The following KCNIP4 variants were observed in gnomAD, a reference collection of about 807,000 sequenced individuals.
The protein encoded by KCNIP4 is potassium voltage-gated channel interacting protein 4.
In KCNIP4, 12 loss-of-function variants were observed where a neutral mutation model predicts 34.0. The observed-to-expected ratio is 0.35, with a 90% confidence interval of 0.23 to 0.57. The LOEUF is 0.57. KCNIP4 is among the 20% of genes least tolerant of loss of function. The probability of loss-of-function intolerance (pLI) is 0.83; values close to 1 mark genes in which losing one functional copy is unlikely to be tolerated. For missense variants in KCNIP4, 238 were observed against 311.7 expected (o/e 0.76, Z 1.78); for synonymous variants, 124 against 102.2 (o/e 1.21, Z -1.29).
intron 3 of KCNIP4, among the ~76,000 whole-genome samples, chr4:20,768,232 CTT>C (rs1434060501): frequency 2.6e-5 from 4 of 152,048 alleles, no homozygotes; most frequent in African/African-American, 9.7e-5. Flanking sequence ...CAGTTCTTAG[CTT>C]TTAATAAATT....
chr4:21,412,391 C>A (rs970756556), intron 1 of KCNIP4, among the ~76,000 whole-genome samples: 4 of 152,174 alleles, frequency 2.6e-5, no homozygotes, highest in Admixed American at 2.6e-4. Flanking sequence ...ATTTCTGCTA[C>A]CTCAGTTCCT....
At chr4:21,496,723 T>A (rs1417079585) in intron 1 of KCNIP4, among the ~76,000 whole-genome samples, 1 of 152,174 alleles carries the variant, frequency 6.6e-6, no homozygotes, top group African/African-American at 2.4e-5. Flanking sequence ...TGAGCAGGCA[T>A]TACTGCCTGA....
rs115296527 is a variant in KCNIP4, at chr4:21,779,466, G to A, written c.61+169105C>T. Reference sequence around the variant, plus strand: ...TATCAAAAAATGATAAGTATGTAACGTATTGGATGTGTTAATTAGCTTTAA... The same window carrying A: ...TATCAAAAAATGATAAGTATGTAACATATTGGATGTGTTAATTAGCTTTAA... On this transcript the variant is annotated intron_variant, in intron 1 of 8. Transcript: ENST00000382152. Among the ~76,000 whole-genome samples, 1,371 of 152,160 alleles carry A rather than the reference G, an allele frequency of 9.0e-3. 24 individuals are homozygous for A. Among genetic ancestry groups the A allele is most frequent in the African/African-American group, 0.031 (1,304 of 41,504 alleles).
intron 1 of KCNIP4, among the ~76,000 whole-genome samples, chr4:21,391,034 T>C (rs1422104929): frequency 6.6e-6 from 1 of 152,158 alleles, no homozygotes; most frequent in African/African-American, 2.4e-5. Context: ...TATGTCAATG[T>C]GGTTTTTATT....
intron 1 of KCNIP4, among the ~76,000 whole-genome samples, chr4:21,509,423 C>T (rs1027718292): frequency 6.6e-6 from 1 of 152,120 alleles, no homozygotes; most frequent in Non-Finnish European, 1.5e-5. Context: ...ATAATTTATA[C>T]CATTTCTACT....
At chr4:21,468,933 C>G (rs550112980) in intron 1 of KCNIP4, among the ~76,000 whole-genome samples, 1 of 152,178 alleles carries the variant, frequency 6.6e-6, no homozygotes, top group Admixed American at 6.5e-5. Flanking sequence ...TTACACACAG[C>G]AGTGATTCTC....
At chr4:21,449,722 A>G (rs1193067170) in intron 1 of KCNIP4, among the ~76,000 whole-genome samples, 1 of 151,762 alleles carries the variant, frequency 6.6e-6, no homozygotes, top group Non-Finnish European at 1.5e-5. Context: ...AAGTGCAGCA[A>G]TTTTTTTATC....
intron 1 of KCNIP4, among the ~76,000 whole-genome samples, chr4:21,096,419 A>G (rs1747463283): frequency 6.6e-6 from 1 of 152,220 alleles, no homozygotes; most frequent in South Asian, 2.1e-4. Context: ...TTATTTCTAA[A>G]CATAACCTAA....
chr4:21,471,167 T>C (rs1730437442), intron 1 of KCNIP4, among the ~76,000 whole-genome samples: 1 of 152,214 alleles, frequency 6.6e-6, no homozygotes, highest in South Asian at 2.1e-4. Flanking sequence ...GTTTGGCAAG[T>C]ACTCTCTGTG....
At chr4:21,077,847 G>A (rs1358418641) in intron 1 of KCNIP4, among the ~76,000 whole-genome samples, 1 of 151,952 alleles carries the variant, frequency 6.6e-6, no homozygotes, top group Non-Finnish European at 1.5e-5. Flanking sequence ...ATACATTATT[G>A]TTCAAAATGT....
chr4:20,742,477 T>C (rs1751365226), intron 5 of KCNIP4, among the ~76,000 whole-genome samples: 1 of 152,180 alleles, frequency 6.6e-6, no homozygotes, highest in Admixed American at 6.5e-5. Flanking sequence ...CACATGATTA[T>C]CTCAACAGAC....
intron 1 of KCNIP4, among the ~76,000 whole-genome samples, chr4:21,943,812 T>TG (rs1475743004): frequency 7.2e-5 from 11 of 151,936 alleles, no homozygotes; most frequent in Non-Finnish European, 1.2e-4. Context: ...GTAACCCTCA[T>TG]GGCCTAGAAA....
intron 1 of KCNIP4, among the ~76,000 whole-genome samples, chr4:21,061,649 T>C (rs1428917192): frequency 6.6e-6 from 1 of 152,144 alleles, no homozygotes; most frequent in Non-Finnish European, 1.5e-5. Context: ...GACTTTTATT[T>C]TAAAAATTCA....
intron 1 of KCNIP4, among the ~76,000 whole-genome samples, chr4:21,661,414 T>G (rs1370864804): frequency 1.3e-5 from 2 of 152,172 alleles, no homozygotes; most frequent in Non-Finnish European, 2.9e-5. Flanking sequence ...ACTGTAGCAC[T>G]CCTGGACACT....
chr4:21,264,692 T>C (rs1368048196), intron 1 of KCNIP4, among the ~76,000 whole-genome samples: 1 of 152,088 alleles, frequency 6.6e-6, no homozygotes, highest in Non-Finnish European at 1.5e-5. Flanking sequence ...AAAGCAGAGA[T>C]TGGAGCTAAA....
intron 1 of KCNIP4, among the ~76,000 whole-genome samples, chr4:21,138,381 T>C (rs1251335984): frequency 6.6e-6 from 1 of 152,194 alleles, no homozygotes; most frequent in African/African-American, 2.4e-5. Flanking sequence ...AACACAAATA[T>C]GCTTTTTCAT....
chr4:21,787,715 C>T (rs1480270607), intron 1 of KCNIP4, among the ~76,000 whole-genome samples: 1 of 152,108 alleles, frequency 6.6e-6, no homozygotes, highest in Non-Finnish European at 1.5e-5. Context: ...CAGCTGAAAC[C>T]ATATTGGGCA....
intron 1 of KCNIP4, among the ~76,000 whole-genome samples, chr4:21,745,137 G>A (rs1211053910): frequency 6.6e-6 from 1 of 152,114 alleles, no homozygotes; most frequent in African/African-American, 2.4e-5. Flanking sequence ...GTTCTAGAAA[G>A]ATCTCCCAAG....
intron 3 of KCNIP4, among the ~76,000 whole-genome samples, chr4:20,800,786 A>G (rs34610922): frequency 7.9e-5 from 12 of 152,174 alleles, no homozygotes; most frequent in Non-Finnish European, 1.5e-4. Flanking sequence ...TTTGGGACTT[A>G]TGGGATATCA....
Sources: allele counts gnomAD v4.1 joint callset (sites outside exome capture counted in the v4.1 genomes callset), GRCh38; gene constraint gnomAD v4.1.1; transcripts MANE v1.5; gene names NCBI Gene and HGNC (gene_info 2026-07-23, HGNC 2026-07-21).